Variants in COL4A3 observed in about 807,000 individuals in gnomAD.
COL4A3 encodes collagen alpha-3(IV) chain.
Under a neutral mutation model 217.4 loss-of-function variants are expected in COL4A3, and 135 were observed. That is an observed-to-expected ratio of 0.62 (90% CI 0.54 to 0.72). COL4A3 has a LOEUF of 0.72. Ranked by LOEUF, COL4A3 falls within the 30% of genes least tolerant of loss-of-function variation. The pLI is 0.00. For missense variants in COL4A3, 1,868 were observed against 2,119.9 expected (o/e 0.88, Z 2.33); for synonymous variants, 690 against 736.3 (o/e 0.94, Z 1.02).
At chr2:227,172,581 C>CTTTTTTTTTTTT (rs11315628) in intron 1 of COL4A3, among the ~76,000 whole-genome samples, 3 of 73,596 alleles carry the variant, frequency 4.1e-5, no homozygotes, top group African/African-American at 5.7e-5. Flanking sequence ...TCGTCTTCTT[C>CTTTTTTTTTTTT]TTTTTTTTTT....
At chr2:227,235,025 A>G (rs1267036399) in intron 1 of COL4A3, among the ~76,000 whole-genome samples, 1 of 152,102 alleles carries the variant, frequency 6.6e-6, no homozygotes, top group Non-Finnish European at 1.5e-5. Context: ...TGCCCAGGTT[A>G]AGCTTCCTTA....
chr2:227,305,162 A>T (rs1326867835), intron 47 of COL4A3, 79 bp downstream of exon 47: 12 of 1,219,262 alleles, frequency 9.8e-6, no homozygotes, highest in Non-Finnish European at 1.4e-5. Context: ...GGGTGACTAT[A>T]TGAGTTATCT....
intron 1 of COL4A3, among the ~76,000 whole-genome samples, chr2:227,180,111 G>C (rs1203545157): frequency 6.6e-6 from 1 of 152,206 alleles, no homozygotes; most frequent in Non-Finnish European, 1.5e-5. Context: ...TTATGCCCCA[G>C]ATCAAGCCCT....
At chr2:227,227,929 C>A (rs1311582631) in intron 1 of COL4A3, 2 of 152,098 alleles carry the variant, frequency 1.3e-5, no homozygotes, top group Admixed American at 6.5e-5. Flanking sequence ...AAAAAAGGAA[C>A]CTGGAGTTAA....
intron 1 of COL4A3, among the ~76,000 whole-genome samples, chr2:227,168,475 T>C (rs990584844): frequency 1.3e-5 from 2 of 152,372 alleles, no homozygotes; most frequent in Admixed American, 6.5e-5. Context: ...TGTTTATCTA[T>C]TGTGAACTTT....
At position 227,191,312 on chromosome 2, in the gene COL4A3, T is replaced by C. The variant is rs541054328; in HGVS notation, c.87+26499T>C. Among the ~76,000 whole-genome samples the C allele has an allele frequency of 1.3e-4, 20 of 152,140 alleles. No individual in the cohort carries two copies. The highest frequency in any genetic ancestry group is 2.1e-4 in the Non-Finnish European group (14 of 68,008). ...TTTTTTTTGTAAAGGACGCAAAAGT[T>C]TAAGACTGTTGGCATATACAAAAGA... is the stretch of plus-strand genomic sequence containing the variant. On this transcript the variant is annotated intron_variant, in intron 1 of 51. Coordinates refer to ENST00000396578, the MANE Select transcript of COL4A3 (RefSeq NM_000091.5). This position sits in a 1 kb window ranked among gnomAD's most constrained non-coding sequence, Gnocchi z 6.8.
chr2:227,277,135 T>C (rs920287885), intron 27 of COL4A3, among the ~76,000 whole-genome samples: 1 of 152,008 alleles, frequency 6.6e-6, no homozygotes, highest in African/African-American at 2.4e-5. Context: ...CTGGCTAACA[T>C]GGTGAAACCT....
chr2:227,275,610 C>T (rs1376453918), intron 26 of COL4A3, among the ~76,000 whole-genome samples: 1 of 152,150 alleles, frequency 6.6e-6, no homozygotes, highest in Non-Finnish European at 1.5e-5. Flanking sequence ...ATATGGACAA[C>T]ACTTATCACT....
At chr2:227,284,417 C>A in intron 34 of COL4A3, 72 bp downstream of exon 34, 3 of 1,535,816 alleles carry the variant, frequency 2.0e-6, no homozygotes, top group Admixed American at 1.9e-5. Context: ...CAGGCAAATC[C>A]GTTTGGTTGA....
At chr2:227,258,831 T>C (rs2070361648) in intron 18 of COL4A3, among the ~76,000 whole-genome samples, 1 of 152,224 alleles carries the variant, frequency 6.6e-6, no homozygotes, top group Non-Finnish European at 1.5e-5. Context: ...CTTAGCACTG[T>C]GCCCAACACT....
intron 20 of COL4A3, among the ~76,000 whole-genome samples, chr2:227,261,403 T>C (rs2070558294): frequency 6.6e-6 from 1 of 152,252 alleles, no homozygotes; most frequent in African/African-American, 2.4e-5. Flanking sequence ...GGCGTACGCC[T>C]GTAATTCCAG....
At chr2:227,184,612 C>T (rs1185094036) in intron 1 of COL4A3, among the ~76,000 whole-genome samples, 1 of 152,074 alleles carries the variant, frequency 6.6e-6, no homozygotes, top group African/African-American at 2.4e-5. Flanking sequence ...TATCCTTTTA[C>T]TTTTTGGGGA....
chr2:227,246,558 C>T (rs2069351806), intron 6 of COL4A3, 127 bp from the exon 7 acceptor site: 1 of 749,544 alleles, frequency 1.3e-6, no homozygotes, highest in Non-Finnish European at 2.4e-6. Flanking sequence ...ACCCAGTAGC[C>T]ATAAGGAATT....
At chr2:227,225,215 G>C (rs1366759002) in intron 1 of COL4A3, among the ~76,000 whole-genome samples, 1 of 152,148 alleles carries the variant, frequency 6.6e-6, no homozygotes, top group Non-Finnish European at 1.5e-5. Context: ...CTTTGGTTTT[G>C]TAAATAACAT....
At chr2:227,290,604 T>C (rs1404798838) in intron 36 of COL4A3, 143 bp from the exon 37 acceptor site, 1 of 670,000 alleles carries the variant, frequency 1.5e-6, no homozygotes, top group Non-Finnish European at 2.6e-6. Context: ...TATTATATAA[T>C]AATCATCTAT....
At chr2:227,174,561 C>T (rs147496028) in intron 1 of COL4A3, among the ~76,000 whole-genome samples, 3,977 of 152,110 alleles carry the variant, frequency 0.026, 63 homozygotes, top group Non-Finnish European at 0.04. Flanking sequence ...GGTTGGAGTG[C>T]AGTGGCGCAA....
rs574102153 is a variant in COL4A3, at chr2:227,309,241, G to A, written c.4678G>A (p.Val1560Ile). ...TGAAGGTCCTGCGATCGCCATAGCC[G>A]TTCACAGCCAAACCACTGACATTCC... ...VCEGPAIAIA[V>I]HSQTTDIPPC... The change falls in exon 50 of 52, where the codon GTT becomes ATT. Residue 1560 changes from valine (V) to isoleucine (I), a missense_variant. Around this residue, in one of 2 missense-constraint regions of COL4A3, gnomAD observed 1,503 missense variants for 1,786.1 expected, o/e 0.84. Transcript: ENST00000396578. 4.9e-5 allele frequency: 79 copies of A among 1,614,202 alleles called. No individual in the cohort carries two copies. In the Middle Eastern group the frequency reaches 9.9e-4, roughly 20 times the overall value.
At chr2:227,294,898 C>A in intron 39 of COL4A3, 66 bp from the exon 40 acceptor site, 3 of 1,293,146 alleles carry the variant, frequency 2.3e-6, no homozygotes, top group South Asian at 1.2e-5. Context: ...AGGCCACTGG[C>A]AAGAAATAAA....
intron 26 of COL4A3, among the ~76,000 whole-genome samples, chr2:227,273,845 G>C (rs1489335702): frequency 1.3e-5 from 2 of 152,150 alleles, no homozygotes; most frequent in Admixed American, 6.5e-5. Context: ...TACATATACT[G>C]GCCGTAGTTC....
Sources: gnomAD v4.1 joint callset for allele counts (sites outside exome capture counted in the v4.1 genomes callset) on GRCh38, gnomAD v4.1.1 for gene constraint, gnomAD v4.1.1 regional missense constraint, Gnocchi (gnomAD v3.1) non-coding constraint, MANE v1.5 for transcripts, NCBI Gene and HGNC (gene_info 2026-07-23, HGNC 2026-07-21) for gene names.